IQGAP1: variants seen among roughly 807,000 people sequenced by gnomAD.
IQGAP1 encodes IQ motif containing GTPase activating protein 1.
In IQGAP1, 66 loss-of-function variants were observed where a neutral mutation model predicts 215.6. That is an observed-to-expected ratio of 0.31 (90% CI 0.25 to 0.38). The LOEUF is 0.38. Ranked by LOEUF, IQGAP1 falls within the 10% of genes least tolerant of loss-of-function variation. The pLI, the probability that IQGAP1 is intolerant of heterozygous loss-of-function variation, is 1.00. For missense variants in IQGAP1, 1,712 were observed against 1,997.1 expected, an observed-to-expected ratio of 0.86 and a Z score of 2.72; for synonymous variants, 772 against 728.7, an observed-to-expected ratio of 1.06 and a Z score of -0.96.
chr15:90,416,940 T>G (rs550871341), intron 2 of IQGAP1, among the ~76,000 whole-genome samples: 3 of 152,332 alleles, frequency 2.0e-5, no homozygotes, highest in Non-Finnish European at 4.4e-5. Flanking sequence ...GTTGTGGTTT[T>G]GATTTGCATT....
chr15:90,424,541 T>TA (rs1389961308), intron 2 of IQGAP1, among the ~76,000 whole-genome samples: 1 of 152,176 alleles, frequency 6.6e-6, no homozygotes, highest in Non-Finnish European at 1.5e-5. Flanking sequence ...AGAGTAGATT[T>TA]AAAAGCAAGA....
At chr15:90,498,584 G>A (rs1039508732) in intron 37 of IQGAP1, among the ~76,000 whole-genome samples, 1 of 152,146 alleles carries the variant, frequency 6.6e-6, no homozygotes, top group African/African-American at 2.4e-5. Context: ...GTTAGGCACA[G>A]GTCCCAGCAG....
rs1193731457 is a variant in IQGAP1, at chr15:90,430,937, CTT to C, written c.390+1272_390+1273del. ...GTATATTATATAGATAAATATATGA[CTT>C]ATACAATATATTACAATATAGAATA... On this transcript the variant is annotated intron_variant, in intron 4 of 37. Coordinates refer to ENST00000268182, the MANE Select transcript of IQGAP1 (RefSeq NM_003870.4). Among the ~76,000 whole-genome samples, 10 of 146,534 alleles carry C rather than the reference CTT, an allele frequency of 6.8e-5. No homozygotes were observed. The East Asian group carries it at 1.4e-3, about 20-fold the overall frequency.
At chr15:90,455,783 C>G (rs1281153845) in intron 14 of IQGAP1, among the ~76,000 whole-genome samples, 4 of 152,128 alleles carry the variant, frequency 2.6e-5, no homozygotes, top group Non-Finnish European at 4.4e-5. Context: ...TTTAAGAACC[C>G]TTGAACCTTT....
In IQGAP1 at chr15:90,429,589, G is replaced by C; in HGVS notation, c.313G>C (p.Ala105Pro). 1 of 1,576,664 alleles carries C rather than the reference G, an allele frequency of 6.3e-7. No individual in the cohort carries two copies. Among genetic ancestry groups the C allele is most frequent in the Non-Finnish European group, 8.6e-7 (1 of 1,167,894 alleles). Residue 105 changes from alanine (A) to proline (P), a missense_variant and splice_region_variant, in exon 4 of 38, where the codon GCG (alanine) becomes CCG (proline). By Grantham distance (27) the Ala-to-Pro change is conservative. This residue lies in a region of IQGAP1 where 1,021 missense variants were observed against 1,074.2 expected (regional missense o/e 0.95). Transcript: ENST00000268182. Reference protein sequence around the residue: ...IYDREQTRYKATGLHFRHTDN... With the variant: ...IYDREQTRYKPTGLHFRHTDN... ...ACCTAATTTTCTTTTTTTTTTCTAGGCGACTGGCCTCCACTTTAGACACAC... is the reference window on the plus strand; with the variant it reads ...ACCTAATTTTCTTTTTTTTTTCTAGCCGACTGGCCTCCACTTTAGACACAC...
At chr15:90,396,202 G>C (rs942815500) in intron 2 of IQGAP1, among the ~76,000 whole-genome samples, 21 of 152,138 alleles carry the variant, frequency 1.4e-4, no homozygotes, top group African/African-American at 4.1e-4. Flanking sequence ...GCATTTTCTG[G>C]GATGGGCTCT....
intron 28 of IQGAP1, 65 bp downstream of exon 28, chr15:90,482,346 C>T (rs1234297745): frequency 8.8e-6 from 13 of 1,475,282 alleles, no homozygotes; most frequent in African/African-American, 1.4e-5. Context: ...CAGGGCTGAC[C>T]ATAGATCATT....
At chr15:90,444,400 A>C (rs1049772619) in intron 9 of IQGAP1, among the ~76,000 whole-genome samples, 1 of 151,846 alleles carries the variant, frequency 6.6e-6, no homozygotes, top group Non-Finnish European at 1.5e-5. Context: ...TTCTGTTTCA[A>C]ATTCTCTAGT....
At chr15:90,419,073 T>G (rs1965094980) in intron 2 of IQGAP1, among the ~76,000 whole-genome samples, 1 of 151,090 alleles carries the variant, frequency 6.6e-6, no homozygotes, top group Non-Finnish European at 1.5e-5. Flanking sequence ...GAGGATCGCT[T>G]GAACCCTGAA....
chr15:90,479,995 A>T (rs1056309899), intron 26 of IQGAP1, among the ~76,000 whole-genome samples: 3 of 152,096 alleles, frequency 2.0e-5, no homozygotes, highest in African/African-American at 7.2e-5. Context: ...CTGATGGTCC[A>T]TGAGTCAGTC....
At chr15:90,438,630 G>A (rs1965402733) in intron 5 of IQGAP1, among the ~76,000 whole-genome samples, 1 of 152,076 alleles carries the variant, frequency 6.6e-6, no homozygotes, top group Non-Finnish European at 1.5e-5. Context: ...TCATTTTTAT[G>A]AAGCTTTTCT....
rs1202350048 is a variant in IQGAP1, at chr15:90,463,038, GTTCT to G, written c.1777-2957_1777-2954del. Among the ~76,000 whole-genome samples the G allele has an allele frequency of 6.1e-5, 9 of 148,510 alleles. No individual in the cohort carries two copies. In the South Asian group the frequency reaches 2.0e-3, roughly 33 times the overall value. On this transcript the variant is annotated intron_variant, in intron 15 of 37. Transcript: ENST00000268182. Reference sequence around the variant, plus strand: ...AGTCTAATTGGAGCAGAAAGAACCTGTTCTTTCTTCTTACACTGGGATGAGGTGT... The same window carrying G: ...AGTCTAATTGGAGCAGAAAGAACCTGTTCTTCTTACACTGGGATGAGGTGT...
At chr15:90,417,763 G>A (rs1965073938) in intron 2 of IQGAP1, among the ~76,000 whole-genome samples, 1 of 152,158 alleles carries the variant, frequency 6.6e-6, no homozygotes, top group East Asian at 1.9e-4. Flanking sequence ...GTCATTGGTA[G>A]CTTGATGGGG....
At chr15:90,483,283 T>G in intron 28 of IQGAP1, 78 bp from the exon 29 acceptor site, 1 of 1,078,028 alleles carries the variant, frequency 9.3e-7, no homozygotes, top group Non-Finnish European at 1.4e-6. Context: ...TTTCTGCTTT[T>G]CTTTGCTAGC....
At chr15:90,425,472 T>A (rs2151013625) in intron 2 of IQGAP1, among the ~76,000 whole-genome samples, 1 of 152,306 alleles carries the variant, frequency 6.6e-6, no homozygotes, top group African/African-American at 2.4e-5. Flanking sequence ...AATACAGTTT[T>A]CTTTTTTTCT....
At chr15:90,437,208 T>C (rs1965382402) in intron 5 of IQGAP1, among the ~76,000 whole-genome samples, 1 of 152,096 alleles carries the variant, frequency 6.6e-6, no homozygotes, top group Non-Finnish European at 1.5e-5. Flanking sequence ...AAAAACCAAA[T>C]CTAGCGATAA....
chr15:90,428,906 C>T (rs1261377571), intron 3 of IQGAP1, among the ~76,000 whole-genome samples: 1 of 152,108 alleles, frequency 6.6e-6, no homozygotes, highest in Admixed American at 6.5e-5. Context: ...GGCTGGAGTG[C>T]AGTGGTGCCG....
chr15:90,388,768 G>C (rs974106908), intron 1 of IQGAP1, among the ~76,000 whole-genome samples: 1 of 152,192 alleles, frequency 6.6e-6, no homozygotes, highest in African/African-American at 2.4e-5. Flanking sequence ...CGCGGGCTCT[G>C]CCCGTTTCGT....
intron 15 of IQGAP1, among the ~76,000 whole-genome samples, chr15:90,459,767 A>T (rs1434028148): frequency 6.6e-6 from 1 of 152,068 alleles, no homozygotes; most frequent in Non-Finnish European, 1.5e-5. Flanking sequence ...TCCATCAGCC[A>T]TTTGGGAGTG....
Sources: gnomAD v4.1 joint callset for allele counts (sites outside exome capture counted in the v4.1 genomes callset) on GRCh38, gnomAD v4.1.1 for gene constraint, gnomAD v4.1.1 regional missense constraint, MANE v1.5 for transcripts, NCBI Gene and HGNC (gene_info 2026-07-23, HGNC 2026-07-21) for gene names.